Variants in SHISA9 observed in about 807,000 individuals in gnomAD.
The protein encoded by SHISA9 is protein shisa-9.
Under a neutral mutation model 38.0 loss-of-function variants are expected in SHISA9, and 13 were observed. The observed-to-expected ratio is 0.34, with a 90% CI of 0.22 to 0.54. The LOEUF (loss-of-function observed/expected upper bound fraction) is 0.54. Ranked by LOEUF, SHISA9 falls within the 20% of genes least tolerant of loss-of-function variation. SHISA9 has a pLI of 0.91. For missense variants in SHISA9, 538 were observed against 575.8 expected, an observed-to-expected ratio of 0.93 and a Z score of 0.67; for synonymous variants, 275 against 242.0, an observed-to-expected ratio of 1.14 and a Z score of -1.27.
the SHISA9 span, chr16:13,350,395 A>G: frequency 1.3e-5 from 2 of 152,466 alleles, no homozygotes; most frequent in South Asian, 4.1e-4. Context: ...CAGATTGCCT[A>G]CTGTGAGATT....
intron 2 of SHISA9, among the ~76,000 whole-genome samples, chr16:13,054,603 A>G (rs572280081): frequency 5.3e-5 from 8 of 152,334 alleles, no homozygotes; most frequent in Admixed American, 4.6e-4. Flanking sequence ...CAGGGCAACA[A>G]TGGGATTTTG....
At chr16:13,134,110 G>A (rs2050327742) in intron 2 of SHISA9, among the ~76,000 whole-genome samples, 1 of 152,148 alleles carries the variant, frequency 6.6e-6, no homozygotes, top group Non-Finnish European at 1.5e-5. Flanking sequence ...TACACGGATT[G>A]CTGCACAACA....
intron 2 of SHISA9, among the ~76,000 whole-genome samples, chr16:13,193,445 G>A (rs1025207987): frequency 3.3e-5 from 5 of 152,100 alleles, no homozygotes. Flanking sequence ...TCTGCCTCCT[G>A]GGTTCAAGCG....
chr16:12,996,977 G>C (rs1381097191), intron 2 of SHISA9, among the ~76,000 whole-genome samples: 2 of 152,162 alleles, frequency 1.3e-5, no homozygotes, highest in South Asian at 4.2e-4. Context: ...GGCTAGACTA[G>C]TTTTTATCAG....
At chr16:13,032,311 G>A (rs565226031) in intron 2 of SHISA9, among the ~76,000 whole-genome samples, 3 of 152,168 alleles carry the variant, frequency 2.0e-5, no homozygotes, top group South Asian at 2.1e-4. Flanking sequence ...TGCTGAGAAT[G>A]ATGGTTTCCA....
chr16:13,383,202 G>A, the SHISA9 span, among the ~76,000 whole-genome samples: 1 of 152,214 alleles, frequency 6.6e-6, no homozygotes, highest in East Asian at 1.9e-4. Flanking sequence ...TACGAGAGTG[G>A]TTAAGGATGG....
intron 2 of SHISA9, among the ~76,000 whole-genome samples, chr16:12,938,744 C>T (rs1386636255): frequency 6.6e-6 from 1 of 152,016 alleles, no homozygotes; most frequent in Non-Finnish European, 1.5e-5. Context: ...CTCAGGTGAT[C>T]TACCCACCTC....
At chr16:12,922,360 G>T (rs1300820780) in intron 2 of SHISA9, among the ~76,000 whole-genome samples, 1 of 152,184 alleles carries the variant, frequency 6.6e-6, no homozygotes, top group Non-Finnish European at 1.5e-5. Flanking sequence ...TGCCCCAGGG[G>T]CTTTGCACCT....
intron 2 of SHISA9, among the ~76,000 whole-genome samples, chr16:12,949,273 C>G (rs944058675): frequency 6.6e-6 from 1 of 152,248 alleles, no homozygotes; most frequent in Non-Finnish European, 1.5e-5. Context: ...GAGGTCTCCA[C>G]TGGAGCCCAG....
the SHISA9 span, among the ~76,000 whole-genome samples, chr16:13,361,276 A>G: frequency 1.3e-5 from 2 of 152,122 alleles, no homozygotes; most frequent in African/African-American, 4.8e-5. Flanking sequence ...TTTTGTCTTG[A>G]ATAAACCTGG....
At chr16:12,911,481 T>C (rs1947894583) in intron 1 of SHISA9, 11 of 730,434 alleles carry the variant, frequency 1.5e-5, no homozygotes, top group Non-Finnish European at 1.8e-5. Context: ...TTATGAAGCA[T>C]ACGTAAGGAC....
intron 2 of SHISA9, among the ~76,000 whole-genome samples, chr16:13,034,436 G>A (rs910074425): frequency 6.6e-6 from 1 of 152,162 alleles, no homozygotes; most frequent in Non-Finnish European, 1.5e-5. Context: ...TTTCTTCTGA[G>A]ATCAGGGAGA....
At chr16:13,499,644 T>C in the SHISA9 span, among the ~76,000 whole-genome samples, 1 of 152,160 alleles carries the variant, frequency 6.6e-6, no homozygotes, top group Non-Finnish European at 1.5e-5. Context: ...ACATTTATTT[T>C]TGAGGAAAGC....
Position 13,157,805 on chromosome 16 carries a change from A to C in SHISA9, c.692-45589A>C, listed in dbSNP as rs141951873. ...AATCCGGAGGCATTCATTCATTCCC[A>C]CTCTCAGTCTCCCAGGAATTGTCAG... On this transcript the variant is annotated intron_variant, in intron 2 of 4. Transcript: ENST00000558583. Among the ~76,000 whole-genome samples, 449 of 151,756 alleles carry C rather than the reference A, an allele frequency of 3.0e-3. 1 individual carries two copies. The highest frequency in any genetic ancestry group is 0.01 in the African/African-American group (426 of 41,342).
rs1006777909 is a variant in SHISA9, at chr16:13,235,821, C to T, written c.*412C>T. On this transcript the variant is annotated 3_prime_UTR_variant, in exon 5 of 5. Transcript: ENST00000558583. Reference sequence around the variant, plus strand: ...ATTTGAGCACATACACTACTTGCCACGTGCTGTCTGTTTCTAGGTTCGAAA... The same window carrying T: ...ATTTGAGCACATACACTACTTGCCATGTGCTGTCTGTTTCTAGGTTCGAAA... 6.0e-5 allele frequency: 10 copies of T among 167,154 alleles called. No individual in the cohort carries two copies. Among genetic ancestry groups the T allele is most frequent in the African/African-American group, 2.4e-4 (10 of 41,844 alleles). 10.4% of individuals were successfully genotyped at this position (167,154 alleles called of 1,614,324 possible). A position where few individuals can be genotyped will look rare whatever the true frequency, so the allele number is the denominator to read the frequency against.
intron 2 of SHISA9, among the ~76,000 whole-genome samples, chr16:13,041,884 G>T (rs893495925): frequency 6.6e-6 from 1 of 152,152 alleles, no homozygotes; most frequent in Non-Finnish European, 1.5e-5. Context: ...AGCTCCAGGG[G>T]TAATAAGAAG....
intron 2 of SHISA9, among the ~76,000 whole-genome samples, chr16:13,169,139 C>T (rs546662465): frequency 6.6e-6 from 1 of 152,174 alleles, no homozygotes; most frequent in Non-Finnish European, 1.5e-5. Context: ...CTGGGTTTGG[C>T]CATTTCCTTT....
the SHISA9 span, among the ~76,000 whole-genome samples, chr16:13,532,852 C>T: frequency 2.0e-5 from 3 of 152,102 alleles, no homozygotes; most frequent in African/African-American, 4.8e-5. Context: ...GTCTTCCTGT[C>T]CCCTGCTATT....
chr16:13,523,409 G>A, the SHISA9 span, among the ~76,000 whole-genome samples: 1 of 152,156 alleles, frequency 6.6e-6, no homozygotes, highest in Admixed American at 6.5e-5. Context: ...AGTATTAATA[G>A]TGTCTTTGGC....
Sources: allele counts gnomAD v4.1 joint callset (sites outside exome capture counted in the v4.1 genomes callset), GRCh38; gene constraint gnomAD v4.1.1; transcripts MANE v1.5; gene names NCBI Gene and HGNC (gene_info 2026-07-23, HGNC 2026-07-21).